UBE2O: variants seen among roughly 807,000 people sequenced by gnomAD.
UBE2O encodes the protein (E3-independent) E2 ubiquitin-conjugating enzyme.
In UBE2O, 15 loss-of-function variants were observed where a neutral mutation model predicts 125.8. The observed-to-expected ratio is 0.12, with a 90% confidence interval of 0.08 to 0.18. The LOEUF (loss-of-function observed/expected upper bound fraction) is 0.18, where lower values mean the gene tolerates loss of function less well. Among genes scored for constraint, UBE2O ranks in the 10% least tolerant of loss-of-function variants. The pLI is 1.00. For missense variants in UBE2O, 1,280 were observed against 1,723.6 expected (o/e 0.74, Z 4.56); for synonymous variants, 708 against 703.2 (o/e 1.01, Z -0.11).
intron 15 of UBE2O, among the ~76,000 whole-genome samples, chr17:76,392,600 A>AC (rs2072131970): frequency 6.6e-6 from 1 of 151,900 alleles, no homozygotes; most frequent in Non-Finnish European, 1.5e-5. Flanking sequence ...TGGCTAAGAG[A>AC]AATACTCGAA....
At chr17:76,447,046 C>A (rs530905658) in intron 1 of UBE2O, among the ~76,000 whole-genome samples, 1 of 152,238 alleles carries the variant, frequency 6.6e-6, no homozygotes, top group Non-Finnish European at 1.5e-5. Context: ...TGCCCACTGG[C>A]ACAACTTCCA....
chr17:76,390,815 G>A lies in UBE2O; in HGVS notation c.*128C>T. ...TGCACTTCAGCATCAAACTCACCTTGGGGAGAAGAGGGCAGTGGGTTTGCA... is the reference window on the plus strand; with the variant it reads ...TGCACTTCAGCATCAAACTCACCTTAGGGAGAAGAGGGCAGTGGGTTTGCA... On this transcript the variant is annotated 3_prime_UTR_variant, in exon 18 of 18. Transcript: ENST00000319380. The A allele has an allele frequency of 1.1e-6, 1 of 917,508 alleles. No individual in the cohort carries two copies. Among genetic ancestry groups the A allele is most frequent in the Non-Finnish European group, 1.6e-6 (1 of 616,322 alleles). 56.8% of individuals were successfully genotyped at this position (917,508 alleles called of 1,614,324 possible). A position where few individuals can be genotyped will look rare whatever the true frequency, so the allele number is the denominator to read the frequency against.
chr17:76,436,187 C>T (rs1398198270), intron 1 of UBE2O, among the ~76,000 whole-genome samples: 1 of 152,144 alleles, frequency 6.6e-6, no homozygotes, highest in East Asian at 1.9e-4. Flanking sequence ...GCGGAGGTTA[C>T]AGTGAGCCGA....
chr17:76,408,682 C>T (rs2072464798), intron 1 of UBE2O, among the ~76,000 whole-genome samples: 1 of 152,196 alleles, frequency 6.6e-6, no homozygotes. Context: ...CACAGTTTGC[C>T]CTCCACTTCC....
chr17:76,422,466 G>A (rs1291595208), intron 1 of UBE2O, among the ~76,000 whole-genome samples: 33 of 152,174 alleles, frequency 2.2e-4, no homozygotes, highest in Admixed American at 1.6e-3. Context: ...TTGTTCCCTC[G>A]CCCATTCAGC....
At chr17:76,419,953 G>C (rs1598605388) in intron 1 of UBE2O, among the ~76,000 whole-genome samples, 1 of 152,198 alleles carries the variant, frequency 6.6e-6, no homozygotes, top group Non-Finnish European at 1.5e-5. Context: ...CGGGACCCTG[G>C]TGCTCCCTGC....
Position 76,452,305 on chromosome 17 carries a change from C to T in UBE2O, c.417+420G>A, listed in dbSNP as rs1438987367. ...TTGGAATGCCCACAACCCCTCCCTG[C>T]ACGGACCCGGCACGGCCTTCATTTC... On this transcript the variant is annotated intron_variant, in intron 1 of 17. Coordinates refer to ENST00000319380, the MANE Select transcript of UBE2O (RefSeq NM_022066.4). This position sits in a 1 kb window ranked among gnomAD's most constrained non-coding sequence, Gnocchi z 4.4. Among the ~76,000 whole-genome samples, 1 of 152,222 alleles carries T rather than the reference C, an allele frequency of 6.6e-6. No homozygotes were observed. Among genetic ancestry groups the T allele is most frequent in the African/African-American group, 2.4e-5 (1 of 41,450 alleles).
At position 76,398,152 on chromosome 17, in the gene UBE2O, T is replaced by C; in HGVS notation, c.2025+103A>G. ...TCTGAGGACACTGAGCCCAGAGGAC[T>C]TTCAGGTCTTGTCTCCTAGAGCCAC... On this transcript the variant is annotated intron_variant, in intron 12 of 17. Transcript: ENST00000319380. The surrounding 1 kb of genome is among the most constrained non-coding windows in gnomAD (Gnocchi z 5.4). 2 of 1,525,990 alleles carry C rather than the reference T, an allele frequency of 1.3e-6. No individual in the cohort carries two copies. The highest frequency in any genetic ancestry group is 1.8e-6 in the Non-Finnish European group (2 of 1,112,268). 94.5% of individuals were successfully genotyped at this position (1,525,990 alleles called of 1,614,324 possible). A position where few individuals can be genotyped will look rare whatever the true frequency, so the allele number is the denominator to read the frequency against.
chr17:76,414,867 C>T (rs1445051538), intron 1 of UBE2O, among the ~76,000 whole-genome samples: 2 of 152,160 alleles, frequency 1.3e-5, no homozygotes, highest in Non-Finnish European at 2.9e-5. Context: ...TGGCTCTGGG[C>T]TTGTCAACCT....
Position 76,400,942 on chromosome 17 carries a change from G to C in UBE2O, c.894+69C>G, listed in dbSNP as rs1213324354. ...TCAACCCTCAAGAGCAGGAAGGAAA[G>C]GGGCAGCAGCTCAGCTCCAGGGTGT... is the stretch of plus-strand genomic sequence containing the variant. On this transcript the variant is annotated intron_variant, in intron 6 of 17. Transcript: ENST00000319380. This position sits in a 1 kb window ranked among gnomAD's most constrained non-coding sequence, Gnocchi z 4.3. The C allele has an allele frequency of 2.5e-6, 4 of 1,574,482 alleles. No individual in the cohort carries two copies. Among genetic ancestry groups the C allele is most frequent in the African/African-American group, 2.7e-5 (2 of 74,180 alleles).
Position 76,399,459 on chromosome 17 carries a change from G to C in UBE2O, c.1618C>G (p.Pro540Ala). 6.2e-7 allele frequency: 1 copy of C among 1,613,896 alleles called. No individual in the cohort carries two copies. The highest frequency in any genetic ancestry group is 8.5e-7 in the Non-Finnish European group (1 of 1,179,770). ...CAACTCTGAGTTTACCTGTCCCCTG[G>C]CTTGAAGTCTCGAGTGATTTTATTC... The part of the protein sequence containing the change: ...KKNKITRDFK[P>A]GDRVAVEVVT... Residue 540 changes from proline to alanine, a missense_variant, in exon 9 of 18, where the codon CCA becomes GCA. Pro to Ala is a conservative substitution (Grantham distance 27). Coordinates refer to ENST00000319380, the MANE Select transcript of UBE2O (RefSeq NM_022066.4). The surrounding 1 kb of genome is among the most constrained non-coding windows in gnomAD (Gnocchi z 6.9).
rs969611368 is a variant in UBE2O at position 76,399,131 on chromosome 17, G to A, written c.1629-140C>T. ...TCCCAGGTTGGCAGGATGAGTCTCT[G>A]GTGCACAGGAAGCTCACCCAGGGTT... On this transcript the variant is annotated intron_variant, in intron 9 of 17. Transcript: ENST00000319380. The surrounding 1 kb of genome is among the most constrained non-coding windows in gnomAD (Gnocchi z 6.9). 1 of 1,166,002 alleles carries A rather than the reference G, an allele frequency of 8.6e-7. No individual in the cohort carries two copies. The allele number at this position is 1,166,002 out of a possible 1,614,324, so 72.2% of individuals were successfully genotyped here.
At chr17:76,435,682 C>G (rs1488768769) in intron 1 of UBE2O, among the ~76,000 whole-genome samples, 3 of 152,176 alleles carry the variant, frequency 2.0e-5, no homozygotes, top group Non-Finnish European at 4.4e-5. Flanking sequence ...GTCATGGACA[C>G]TAAGCAATCA....
In UBE2O at chr17:76,399,397, C is replaced by T; in HGVS notation, c.1628+52G>A. Reference sequence around the variant, plus strand: ...CACGCACACCGAGGGGACGCGCACTCTGCCTGGCTTCACGCTGACGCCATT... The same window carrying T: ...CACGCACACCGAGGGGACGCGCACTTTGCCTGGCTTCACGCTGACGCCATT... On this transcript the variant is annotated intron_variant, in intron 9 of 17. Coordinates refer to ENST00000319380, the MANE Select transcript of UBE2O (RefSeq NM_022066.4). This position sits in a 1 kb window ranked among gnomAD's most constrained non-coding sequence, Gnocchi z 6.9. 6.4e-7 allele frequency: 1 copy of T among 1,566,324 alleles called. No homozygotes were observed. The highest frequency in any genetic ancestry group is 1.3e-5 in the African/African-American group (1 of 74,116).
rs755834257 is a variant in UBE2O, at chr17:76,400,240, C to T, written c.1062G>A (p.Leu354=). 3.1e-6 allele frequency: 5 copies of T among 1,613,924 alleles called. No homozygotes were observed. Among genetic ancestry groups the T allele is most frequent in the South Asian group, 2.2e-5 (2 of 91,088 alleles). The change falls in exon 8 of 18, where the codon CTG becomes CTA. Residue 354 remains leucine, a synonymous_variant. Transcript: ENST00000319380. This position sits in a 1 kb window ranked among gnomAD's most constrained non-coding sequence, Gnocchi z 4.3. Reference sequence around the variant, plus strand: ...GCTCTACCTTGGCTGGGAAGACATACAGACAGCGCTCCCCAAGCTGCCGCT... The same window carrying T: ...GCTCTACCTTGGCTGGGAAGACATATAGACAGCGCTCCCCAAGCTGCCGCT... ...HAQRQLGERC[L]YVFPAKVEPA...
At position 76,391,453 on chromosome 17, in the gene UBE2O, A is replaced by G; in HGVS notation, c.3369T>C (p.Phe1123=). 2.5e-6 allele frequency: 4 copies of G among 1,613,730 alleles called. No individual in the cohort carries two copies. The highest frequency in any genetic ancestry group is 3.4e-6 in the Non-Finnish European group (4 of 1,180,008). The stretch of plus-strand genomic sequence containing the variant: ...TAAAGTGTTGCCTGATCTCCTGCTC[A>G]AAGACCTCGGGGGGCCGCCGCACCA... ...TQLVRRPPEV[F]EQEIRQHFST... is the part of the protein sequence containing the mutation. Residue 1123 remains phenylalanine (F), a synonymous_variant, in exon 18 of 18, where the codon TTT becomes TTC. Coordinates refer to ENST00000319380, the MANE Select transcript of UBE2O (RefSeq NM_022066.4). This position sits in a 1 kb window ranked among gnomAD's most constrained non-coding sequence, Gnocchi z 8.4.
rs61081315 is a variant in UBE2O, at chr17:76,429,541, C to CAAA, written c.417+23181_417+23183dup. Among the ~76,000 whole-genome samples the CAAA allele has an allele frequency of 1.3e-3, 95 of 71,604 alleles. 1 individual carries two copies. The highest frequency in any genetic ancestry group is 2.4e-3 in the South Asian group (4 of 1,650). 47.0% of individuals were successfully genotyped at this position (71,604 alleles called of 152,430 possible). A position where few individuals can be genotyped will look rare whatever the true frequency, so the allele number is the denominator to read the frequency against. ...TGGGTGACAGAGTGAGACTCTGTCT[C>CAAA]AAAAAAAAAAAAAAAAAAAAAAAGT... On this transcript the variant is annotated intron_variant, in intron 1 of 17. Transcript: ENST00000319380.
chr17:76,390,118 T>G lies in UBE2O; in HGVS notation c.*825A>C, dbSNP rs2072079019. 6.6e-6 allele frequency: 1 copy of G among 152,542 alleles called. No individual in the cohort carries two copies. The highest frequency in any genetic ancestry group is 2.4e-5 in the African/African-American group (1 of 41,436). The allele number at this position is 152,542 out of a possible 1,614,324, so 9.4% of individuals were successfully genotyped here. ...TCAGTGAGCTGCACGCCTGTCCCAG[T>G]GTGACCATGTGATGGGGGAGGGGCC... On this transcript the variant is annotated 3_prime_UTR_variant, in exon 18 of 18. Transcript: ENST00000319380.
At chr17:76,436,644 T>C (rs1472142024) in intron 1 of UBE2O, among the ~76,000 whole-genome samples, 1 of 151,890 alleles carries the variant, frequency 6.6e-6, no homozygotes, top group Admixed American at 6.6e-5. Flanking sequence ...ACCTCTCTAC[T>C]CAAAAGTGCT....
Sources: allele counts gnomAD v4.1 joint callset (sites outside exome capture counted in the v4.1 genomes callset), GRCh38; gene constraint gnomAD v4.1.1; non-coding constraint Gnocchi (gnomAD v3.1); transcripts MANE v1.5; gene names NCBI Gene and HGNC (gene_info 2026-07-23, HGNC 2026-07-21).